Variants in GPC5 observed in about 807,000 individuals in gnomAD.
GPC5 encodes glypican-5.
Under a neutral mutation model 53.9 loss-of-function variants are expected in GPC5, and 47 were observed. The ratio of observed to expected loss-of-function variants is 0.87; its 90% confidence interval spans 0.69 to 1.11. GPC5 has a LOEUF of 1.11. Among genes scored for constraint, GPC5 ranks in the 50% most tolerant of loss-of-function variants. The pLI, the probability that GPC5 is intolerant of heterozygous loss-of-function variation, is 0.00. For missense variants in GPC5, 748 were observed against 713.1 expected (o/e 1.05, Z -0.56); for synonymous variants, 286 against 263.3 (o/e 1.09, Z -0.84).
In GPC5 at chr13:91,577,554, C is replaced by T. The variant is rs539589385; in HGVS notation, c.326-115633C>T. ...TTGATGCCTTCCTATGCAGTTGGCT[C>T]CTCACCTATTGTTGACTTTCTTCCT... On this transcript the variant is annotated intron_variant, in intron 2 of 7. Coordinates refer to ENST00000377067, the MANE Select transcript of GPC5 (RefSeq NM_004466.6). 8.5e-5 allele frequency among the ~76,000 whole-genome samples: 13 copies of T among 152,260 alleles called. No homozygotes were observed. In the South Asian group the frequency reaches 2.5e-3, roughly 29 times the overall value.
chr13:91,449,305 A>G (rs1316507663), intron 2 of GPC5, among the ~76,000 whole-genome samples: 1 of 152,150 alleles, frequency 6.6e-6, no homozygotes, highest in Non-Finnish European at 1.5e-5. Flanking sequence ...GGGTAATTAT[A>G]GATTTATCTA....
chr13:92,412,556 A>C (rs1876093643), intron 7 of GPC5, among the ~76,000 whole-genome samples: 1 of 152,218 alleles, frequency 6.6e-6, no homozygotes. Context: ...ACATGTGATA[A>C]TTATATGAAA....
chr13:92,304,429 C>T (rs2043097035), intron 7 of GPC5, among the ~76,000 whole-genome samples: 3 of 152,036 alleles, frequency 2.0e-5, no homozygotes, highest in Non-Finnish European at 4.4e-5. Flanking sequence ...TGGTCTCGAT[C>T]TCCTGACCTT....
intron 7 of GPC5, among the ~76,000 whole-genome samples, chr13:92,741,074 G>T (rs1889078530): frequency 6.6e-6 from 1 of 150,470 alleles, no homozygotes; most frequent in South Asian, 2.1e-4. Flanking sequence ...AAATGTTGGT[G>T]CATGCTATGG....
At chr13:92,816,681 T>C (rs1026739113) in intron 7 of GPC5, among the ~76,000 whole-genome samples, 5 of 152,014 alleles carry the variant, frequency 3.3e-5, no homozygotes, top group African/African-American at 7.3e-5. Context: ...GAAAACAGTA[T>C]ATATTGGGAG....
At chr13:92,152,917 A>C (rs747022546) in intron 7 of GPC5, among the ~76,000 whole-genome samples, 4 of 152,296 alleles carry the variant, frequency 2.6e-5, no homozygotes, top group Non-Finnish European at 4.4e-5. Context: ...ATTTCACTGA[A>C]CAGAGAGTTT....
At chr13:91,781,225 T>A (rs2138721225) in intron 5 of GPC5, among the ~76,000 whole-genome samples, 1 of 152,326 alleles carries the variant, frequency 6.6e-6, no homozygotes, top group East Asian at 1.9e-4. Flanking sequence ...TAAGAATGTA[T>A]CCTTATCCTG....
chr13:92,143,040 G>A (rs2041842678), intron 6 of GPC5, among the ~76,000 whole-genome samples: 1 of 152,032 alleles, frequency 6.6e-6, no homozygotes, highest in African/African-American at 2.4e-5. Flanking sequence ...TTAATGTGCT[G>A]GCATATTAAA....
intron 2 of GPC5, among the ~76,000 whole-genome samples, chr13:91,532,995 T>A (rs1483539703): frequency 2.0e-5 from 3 of 152,202 alleles, no homozygotes; most frequent in Non-Finnish European, 2.9e-5. Flanking sequence ...AAATTACCAA[T>A]GGAGAAAGGA....
rs541120918 is a variant in GPC5 at position 92,417,962 on chromosome 13, G to T, written c.1561+272973G>T. Reference sequence around the variant, plus strand: ...CAAAATGTAATATAATCATACAATAGAATCTTATTCTACTATAAAAACAGG... The same window carrying T: ...CAAAATGTAATATAATCATACAATATAATCTTATTCTACTATAAAAACAGG... On this transcript the variant is annotated intron_variant, in intron 7 of 7. Coordinates refer to ENST00000377067, the MANE Select transcript of GPC5 (RefSeq NM_004466.6). Among the ~76,000 whole-genome samples the T allele has an allele frequency of 7.2e-5, 11 of 152,254 alleles. No individual in the cohort carries two copies. In the East Asian group the frequency reaches 7.7e-4, roughly 11 times the overall value.
chr13:92,012,474 T>C (rs1298671107), intron 6 of GPC5, among the ~76,000 whole-genome samples: 1 of 152,152 alleles, frequency 6.6e-6, no homozygotes, highest in Non-Finnish European at 1.5e-5. Context: ...AAATCACAAA[T>C]AGTTGTAAAA....
intron 7 of GPC5, among the ~76,000 whole-genome samples, chr13:92,776,836 C>T (rs1326347474): frequency 1.3e-5 from 2 of 151,824 alleles, no homozygotes; most frequent in Non-Finnish European, 2.9e-5. Flanking sequence ...AGGGTACTCA[C>T]CATCCTTTAA....
chr13:91,805,666 T>G (rs2038208438), intron 5 of GPC5, among the ~76,000 whole-genome samples: 1 of 152,218 alleles, frequency 6.6e-6, no homozygotes. Context: ...AGATGCTCTT[T>G]AGAAAATGCA....
chr13:92,538,960 A>G, intron 7 of GPC5, among the ~76,000 whole-genome samples: 1 of 110,058 alleles, frequency 9.1e-6, no homozygotes, highest in African/African-American at 3.6e-5. Context: ...TACACCATAT[A>G]TATATACCTT....
intron 5 of GPC5, among the ~76,000 whole-genome samples, chr13:91,825,451 T>C (rs909235154): frequency 1.3e-5 from 2 of 152,114 alleles, no homozygotes; most frequent in African/African-American, 2.4e-5. Flanking sequence ...TTTTTATAGA[T>C]TGAAAATATT....
intron 7 of GPC5, among the ~76,000 whole-genome samples, chr13:92,722,328 C>T (rs989700672): frequency 1.3e-5 from 2 of 151,990 alleles, no homozygotes; most frequent in Admixed American, 6.6e-5. Flanking sequence ...TATATAGACA[C>T]TATCAAGAGA....
chr13:91,509,413 C>T (rs1257795870), intron 2 of GPC5, among the ~76,000 whole-genome samples: 1 of 147,646 alleles, frequency 6.8e-6, no homozygotes, highest in Non-Finnish European at 1.5e-5. Context: ...TTAACATATT[C>T]ATATTTTAAG....
chr13:91,520,721 T>G (rs1388232626), intron 2 of GPC5, among the ~76,000 whole-genome samples: 3 of 148,052 alleles, frequency 2.0e-5, no homozygotes, highest in Admixed American at 6.7e-5. Context: ...TGTGTGTGTA[T>G]GTGTGTGTGT....
intron 7 of GPC5, among the ~76,000 whole-genome samples, chr13:92,783,493 A>T (rs1258077250): frequency 1.3e-5 from 2 of 152,190 alleles, no homozygotes; most frequent in Non-Finnish European, 2.9e-5. Flanking sequence ...TTAAGTAAAG[A>T]GACACTTGAA....
Sources: gnomAD v4.1 joint callset for allele counts (sites outside exome capture counted in the v4.1 genomes callset) on GRCh38, gnomAD v4.1.1 for gene constraint, MANE v1.5 for transcripts, NCBI Gene and HGNC (gene_info 2026-07-23, HGNC 2026-07-21) for gene names.